Variants in CATSPERE observed in about 807,000 individuals in gnomAD.
CATSPERE encodes catsper channel auxiliary subunit epsilon, also known as cation channel sperm-associated auxiliary subunit epsilon.
A neutral mutation model predicts 114.1 loss-of-function variants in CATSPERE; 93 were observed. The ratio of observed to expected loss-of-function variants is 0.81; its 90% CI spans 0.69 to 0.97. The LOEUF is 0.97. CATSPERE is among the 50% of genes least tolerant of loss of function. CATSPERE has a pLI of 0.00. For missense variants in CATSPERE, 1,058 were observed against 1,131.6 expected (o/e 0.93, Z 0.93); for synonymous variants, 341 against 384.1 (o/e 0.89, Z 1.31).
At chr1:244,530,674 G>C (rs1412064124) in intron 8 of CATSPERE, among the ~76,000 whole-genome samples, 1 of 151,832 alleles carries the variant, frequency 6.6e-6, no homozygotes, top group African/African-American at 2.4e-5. Flanking sequence ...TTCCTTTTTT[G>C]TGTCCTCTTT....
At chr1:244,515,936 A>G (rs1252431195) in intron 7 of CATSPERE, among the ~76,000 whole-genome samples, 2 of 151,326 alleles carry the variant, frequency 1.3e-5, no homozygotes, top group Non-Finnish European at 2.9e-5. Context: ...TCTCACACCT[A>G]TAATCCCAGC....
Position 244,461,479 on chromosome 1 carries a change from G to A in CATSPERE, c.50G>A (p.Gly17Asp). The part of the protein sequence containing the change: ...AVLLLWLSCY[G>D]SALWRYSTNS... The stretch of plus-strand genomic sequence containing the variant: ...CTGCTGCTGTGGCTGAGCTGCTATG[G>A]CTCCGCCCTTTGGAGGTAGAGAGAC... The change falls in exon 1 of 22, where the codon GGC (glycine) becomes GAC (aspartate). Residue 17 changes from glycine (G) to aspartate (D), a missense_variant. By Grantham distance (94) the Gly-to-Asp change is moderately conservative. Coordinates refer to ENST00000366534, the MANE Select transcript of CATSPERE (RefSeq NM_001130957.2). 8.2e-6 allele frequency: 11 copies of A among 1,335,284 alleles called. No homozygotes were observed. The highest frequency in any genetic ancestry group is 1.5e-5 in the African/African-American group (1 of 66,312). 82.7% of individuals were successfully genotyped at this position (1,335,284 alleles called of 1,614,324 possible). A position where few individuals can be genotyped will look rare whatever the true frequency, so the allele number is the denominator to read the frequency against.
intron 7 of CATSPERE, among the ~76,000 whole-genome samples, chr1:244,517,473 ATAAACATC>A (rs1676822339): frequency 1.3e-5 from 2 of 151,914 alleles, no homozygotes; most frequent in Non-Finnish European, 2.9e-5. Flanking sequence ...GTATTTCTCT[ATAAACATC>A]ATCAAATGGG....
intron 11 of CATSPERE, among the ~76,000 whole-genome samples, chr1:244,576,770 G>A (rs1400387653): frequency 6.6e-6 from 1 of 152,044 alleles, no homozygotes; most frequent in Non-Finnish European, 1.5e-5. Context: ...GCTTCCTTAA[G>A]CACATAGAAT....
intron 10 of CATSPERE, among the ~76,000 whole-genome samples, chr1:244,571,710 G>A (rs1222472492): frequency 3.9e-5 from 6 of 152,270 alleles, no homozygotes; most frequent in South Asian, 4.2e-4. Context: ...TATTTCTAGA[G>A]GCTAGAAGTC....
intron 7 of CATSPERE, among the ~76,000 whole-genome samples, chr1:244,500,357 C>T (rs1416847910): frequency 6.6e-6 from 1 of 152,146 alleles, no homozygotes; most frequent in Non-Finnish European, 1.5e-5. Flanking sequence ...AATTAGATCC[C>T]ATTTGTCAAT....
chr1:244,510,835 C>CTTTTTTTTTTTTTTTTTTTTTTT lies in CATSPERE; in HGVS notation c.430-7754_430-7732dup, dbSNP rs747921082. Among the ~76,000 whole-genome samples, 357 of 48,346 alleles carry CTTTTTTTTTTTTTTTTTTTTTTT rather than the reference C, an allele frequency of 7.4e-3. 3 individuals carry two copies. Among genetic ancestry groups the CTTTTTTTTTTTTTTTTTTTTTTT allele is most frequent in the Middle Eastern group, 0.019 (1 of 54 alleles). The allele number at this position is 48,346 out of a possible 152,430, so 31.7% of individuals were successfully genotyped here. On this transcript the variant is annotated intron_variant, in intron 7 of 21. Coordinates refer to ENST00000366534, the MANE Select transcript of CATSPERE (RefSeq NM_001130957.2). ...TTCTTTTTTTTTTCTTTTTCTTTTTCTTTTTTTTTTTTTTTTTTTTTTTTT... is the reference window on the plus strand; with the variant it reads ...TTCTTTTTTTTTTCTTTTTCTTTTTCTTTTTTTTTTTTTTTTTTTTTTTTTTTTTTTTTTTTTTTTTTTTTTTT...
intron 20 of CATSPERE, among the ~76,000 whole-genome samples, chr1:244,625,251 G>A (rs1199545882): frequency 6.6e-6 from 1 of 151,064 alleles, no homozygotes; most frequent in Non-Finnish European, 1.5e-5. Flanking sequence ...TATTGTGTTA[G>A]TAGGCATGAT....
chr1:244,512,285 T>A (rs1675906150), intron 7 of CATSPERE, among the ~76,000 whole-genome samples: 2 of 152,226 alleles, frequency 1.3e-5, no homozygotes, highest in African/African-American at 4.8e-5. Flanking sequence ...TGTCTTCGAG[T>A]TCAGAAATTC....
At chr1:244,473,544 A>T (rs979554576) in intron 2 of CATSPERE, among the ~76,000 whole-genome samples, 8 of 152,236 alleles carry the variant, frequency 5.3e-5, no homozygotes, top group Admixed American at 4.6e-4. Flanking sequence ...ATTTTCTCCC[A>T]GTCTGTTGCT....
intron 8 of CATSPERE, among the ~76,000 whole-genome samples, chr1:244,531,316 C>G (rs969329945): frequency 1.3e-5 from 2 of 151,770 alleles, no homozygotes; most frequent in African/African-American, 4.8e-5. Context: ...ATCTGGATGC[C>G]CTTCATATCT....
chr1:244,588,664 G>A (rs1323433630), intron 14 of CATSPERE, 130 bp downstream of exon 14: 3 of 714,394 alleles, frequency 4.2e-6, no homozygotes, highest in African/African-American at 3.5e-5. Flanking sequence ...CTGAATTGAC[G>A]TTCATGCCTA....
chr1:244,588,459 C>T (rs755792121), intron 13 of CATSPERE, 23 bp from the exon 14 acceptor site: 20 of 1,585,372 alleles, frequency 1.3e-5, no homozygotes, highest in South Asian at 4.4e-5. Context: ...GCTGAACTCA[C>T]TACCTAAGTT....
At position 244,621,155 on chromosome 1, in the gene CATSPERE, A is replaced by AT. The variant is rs1672191702; in HGVS notation, c.2648+3469_2648+3470insT. On this transcript the variant is annotated intron_variant, in intron 20 of 21. Transcript: ENST00000366534. Reference sequence around the variant, plus strand: ...TATATATAAAATATATATATTATAAAATATATATATTATATATAGATATAT... The same window carrying AT: ...TATATATAAAATATATATATTATAAATATATATATATTATATATAGATATAT... Among the ~76,000 whole-genome samples, 9 of 19,032 alleles carry AT rather than the reference A, an allele frequency of 4.7e-4. 1 individual carries two copies. Among genetic ancestry groups the AT allele is most frequent in the South Asian group, 2.8e-3 (2 of 718 alleles). 12.5% of individuals were successfully genotyped at this position (19,032 alleles called of 152,430 possible).
At chr1:244,579,462 A>T (rs1014569153) in intron 11 of CATSPERE, among the ~76,000 whole-genome samples, 1 of 151,990 alleles carries the variant, frequency 6.6e-6, no homozygotes, top group African/African-American at 2.4e-5. Flanking sequence ...CTTTTTCTTA[A>T]TTTTTTCAGT....
Position 244,552,375 on chromosome 1 carries a change from G to C in CATSPERE, c.590G>C (p.Arg197Thr), listed in dbSNP as rs146421388. 1.2e-6 allele frequency: 2 copies of C among 1,613,962 alleles called. No individual in the cohort carries two copies. The highest frequency in any genetic ancestry group is 1.7e-5 in the Admixed American group (1 of 59,992). ...AAAGATGATGCACTAAAGGAGATTAGAGGAAACCAAGTTACTTTTCAGGAT... is the reference window on the plus strand; with the variant it reads ...AAAGATGATGCACTAAAGGAGATTACAGGAAACCAAGTTACTTTTCAGGAT... ...MTKDDALKEI[R>T]GNQVTFQDCF... Residue 197 changes from arginine (R) to threonine (T), a missense_variant, in exon 9 of 22, where the codon AGA becomes ACA. Around this residue, in one of 2 missense-constraint regions of CATSPERE, gnomAD observed 787 missense variants for 905.6 expected, o/e 0.87. Transcript: ENST00000366534.
At position 244,633,511 on chromosome 1, in the gene CATSPERE, T is replaced by C. The variant is rs750191949; in HGVS notation, c.2649-1978T>C. Among the ~76,000 whole-genome samples, 4 of 152,190 alleles carry C rather than the reference T, an allele frequency of 2.6e-5. No homozygotes were observed. Among genetic ancestry groups the C allele is most frequent in the Non-Finnish European group, 4.4e-5 (3 of 68,034 alleles). ...TTCCAAATCACTTTACAAACTGCTA[T>C]TGAATTAAATTCAAAAACAGTCATG... On this transcript the variant is annotated intron_variant, in intron 20 of 21. Transcript: ENST00000366534. The surrounding 1 kb of genome is among the most constrained non-coding windows in gnomAD (Gnocchi z 4.1).
At chr1:244,639,903 C>CTT (rs10572994) in intron 21 of CATSPERE, 25 bp from the exon 22 acceptor site, 1 of 1,363,992 alleles carries the variant, frequency 7.3e-7, no homozygotes. Context: ...CTTCTAATGC[C>CTT]TTTTTTTTTT....
intron 8 of CATSPERE, among the ~76,000 whole-genome samples, chr1:244,529,773 G>A (rs1679296578): frequency 6.6e-6 from 1 of 152,038 alleles, no homozygotes; most frequent in Non-Finnish European, 1.5e-5. Context: ...ATGGGATATT[G>A]CTCAAGAAAT....
Sources: allele counts gnomAD v4.1 joint callset (sites outside exome capture counted in the v4.1 genomes callset), GRCh38; gene constraint gnomAD v4.1.1; regional missense constraint gnomAD v4.1.1; non-coding constraint Gnocchi (gnomAD v3.1); transcripts MANE v1.5; gene names NCBI Gene and HGNC (gene_info 2026-07-23, HGNC 2026-07-21).